The following REV3L variants were observed in gnomAD, a reference collection of about 807,000 sequenced individuals.
The protein encoded by REV3L is DNA polymerase zeta catalytic subunit.
Under a neutral mutation model 299.4 loss-of-function variants are expected in REV3L, and 69 were observed. The ratio of observed to expected loss-of-function variants is 0.23; its 90% CI spans 0.19 to 0.28. The LOEUF is 0.28. Among genes scored for constraint, REV3L ranks in the 10% least tolerant of loss-of-function variants. The pLI is 1.00. For synonymous variants in REV3L, 1,238 were observed against 1,271.4 expected, an observed-to-expected ratio of 0.97 and a Z score of 0.56; for missense variants, 3,128 against 3,693.8, an observed-to-expected ratio of 0.85 and a Z score of 3.97.
At chr6:111,303,853 G>A (rs1400408412) in intron 31 of REV3L, among the ~76,000 whole-genome samples, 1 of 151,230 alleles carries the variant, frequency 6.6e-6, no homozygotes, top group African/African-American at 2.4e-5. Flanking sequence ...CTGAGTAGTT[G>A]GGAGTACAAG....
chr6:111,377,213 A>T (rs55835011), intron 12 of REV3L, among the ~76,000 whole-genome samples: 5,475 of 152,302 alleles, frequency 0.036, 327 homozygotes, highest in African/African-American at 0.12. Flanking sequence ...TAATTCTTTC[A>T]AAAGAAAAAA....
chr6:111,384,267 T>C (rs1781116324), intron 9 of REV3L, among the ~76,000 whole-genome samples: 1 of 152,118 alleles, frequency 6.6e-6, no homozygotes, highest in African/African-American at 2.4e-5. Flanking sequence ...CATATCAAGT[T>C]ATTATACAAA....
chr6:111,402,283 C>T (rs900411917), intron 4 of REV3L, among the ~76,000 whole-genome samples: 1 of 152,112 alleles, frequency 6.6e-6, no homozygotes, highest in Admixed American at 6.5e-5. Flanking sequence ...AAAAAAATGT[C>T]TGAAGTATGT....
intron 1 of REV3L, among the ~76,000 whole-genome samples, chr6:111,480,846 T>G (rs1793545013): frequency 1.3e-5 from 2 of 150,350 alleles, no homozygotes; most frequent in Admixed American, 6.6e-5. Flanking sequence ...TTGTTTTTTT[T>G]TTTTTTTTTA....
intron 25 of REV3L, among the ~76,000 whole-genome samples, chr6:111,327,270 C>T (rs1271985346): frequency 3.3e-5 from 5 of 152,032 alleles, no homozygotes; most frequent in Non-Finnish European, 7.4e-5. Context: ...GAAATGGCCC[C>T]TAAGAAAGGA....
At chr6:111,372,181 T>G (rs1020413132) in intron 13 of REV3L, among the ~76,000 whole-genome samples, 5 of 152,212 alleles carry the variant, frequency 3.3e-5, no homozygotes, top group African/African-American at 1.2e-4. Context: ...AACACATACA[T>G]GCTCATTTTC....
intron 1 of REV3L, among the ~76,000 whole-genome samples, chr6:111,448,758 C>T (rs576265588): frequency 6.6e-6 from 1 of 151,210 alleles, no homozygotes; most frequent in Non-Finnish European, 1.5e-5. Context: ...GTGTATGGGA[C>T]TACAGGAGCA....
chr6:111,327,925 G>A (rs1357251857), intron 25 of REV3L, among the ~76,000 whole-genome samples: 4 of 152,160 alleles, frequency 2.6e-5, no homozygotes, highest in African/African-American at 9.7e-5. Context: ...TGTGAGCTGT[G>A]TGAAGACTTT....
At chr6:111,472,152 T>C in intron 1 of REV3L, 1 of 1,264,620 alleles carries the variant, frequency 7.9e-7, no homozygotes, top group Non-Finnish European at 1.0e-6. Flanking sequence ...TGAAATGAAA[T>C]TTAGATTAGT....
intron 3 of REV3L, among the ~76,000 whole-genome samples, chr6:111,410,606 C>T (rs1457687291): frequency 6.6e-6 from 1 of 152,094 alleles, no homozygotes; most frequent in Non-Finnish European, 1.5e-5. Flanking sequence ...TGGGTAAGAT[C>T]AAGGGCAGGA....
At chr6:111,478,972 C>T (rs1562377725) in intron 1 of REV3L, among the ~76,000 whole-genome samples, 1 of 152,222 alleles carries the variant, frequency 6.6e-6, no homozygotes, top group African/African-American at 2.4e-5. Flanking sequence ...AGCAGGGAAG[C>T]TCTTTGAAAG....
intron 1 of REV3L, among the ~76,000 whole-genome samples, chr6:111,422,595 CACATATAT>C (rs1190712826): frequency 5.4e-5 from 1 of 18,576 alleles, no homozygotes; most frequent in East Asian, 8.5e-4. Flanking sequence ...TATATATATA[CACATATAT>C]ATATATATAC....
At chr6:111,300,709 C>T (rs1159840618) in intron 31 of REV3L, among the ~76,000 whole-genome samples, 1 of 152,176 alleles carries the variant, frequency 6.6e-6, no homozygotes, top group African/African-American at 2.4e-5. Context: ...ATTTCATGAA[C>T]ATTTATCACT....
At chr6:111,458,902 T>C (rs989667954) in intron 1 of REV3L, among the ~76,000 whole-genome samples, 1 of 152,060 alleles carries the variant, frequency 6.6e-6, no homozygotes, top group Admixed American at 6.6e-5. Context: ...AAATTACCAA[T>C]ATCATTTTTC....
intron 1 of REV3L, among the ~76,000 whole-genome samples, chr6:111,473,429 T>C (rs1000321232): frequency 1.3e-5 from 2 of 152,064 alleles, no homozygotes; most frequent in Non-Finnish European, 2.9e-5. Context: ...CCAGAGGAAC[T>C]TGAAAGGTCT....
intron 1 of REV3L, among the ~76,000 whole-genome samples, chr6:111,479,701 T>C (rs796886658): frequency 1.6e-3 from 249 of 152,114 alleles, no homozygotes; most frequent in African/African-American, 5.6e-3. Context: ...TTGTTTGTTT[T>C]GTACAGACTA....
chr6:111,302,590 T>A (rs1198020307), intron 31 of REV3L, among the ~76,000 whole-genome samples: 1 of 152,172 alleles, frequency 6.6e-6, no homozygotes, highest in African/African-American at 2.4e-5. Flanking sequence ...TTTACTATCC[T>A]TTGGCTTTCT....
chr6:111,421,117 G>A (rs1326645007), intron 1 of REV3L, among the ~76,000 whole-genome samples: 4 of 152,242 alleles, frequency 2.6e-5, no homozygotes, highest in Admixed American at 6.5e-5. Flanking sequence ...GACAGAGCGA[G>A]ACTCCATCTC....
intron 1 of REV3L, among the ~76,000 whole-genome samples, chr6:111,446,569 C>A (rs1015937344): frequency 3.3e-5 from 5 of 152,092 alleles, no homozygotes; most frequent in African/African-American, 1.2e-4. Context: ...GGCGAGTTGG[C>A]AGGCGCCTGT....
Sources: allele counts gnomAD v4.1 joint callset (sites outside exome capture counted in the v4.1 genomes callset), GRCh38; gene constraint gnomAD v4.1.1; transcripts MANE v1.5; gene names NCBI Gene and HGNC (gene_info 2026-07-23, HGNC 2026-07-21).